Variants in CNTN6 observed in about 807,000 individuals in gnomAD.
CNTN6 encodes contactin 6.
A neutral mutation model predicts 122.8 loss-of-function variants in CNTN6; 137 were observed. That is an observed-to-expected ratio of 1.12 (90% CI 0.97 to 1.29). The LOEUF (loss-of-function observed/expected upper bound fraction) is 1.29. Ranked by LOEUF, CNTN6 falls within the 50% of genes most tolerant of loss-of-function variation. The pLI is 0.00. For synonymous variants in CNTN6, 570 were observed against 426.0 expected, an observed-to-expected ratio of 1.34 and a Z score of -4.16; for missense variants, 1,634 against 1,223.4, an observed-to-expected ratio of 1.34 and a Z score of -5.01.
intron 5 of CNTN6, among the ~76,000 whole-genome samples, chr3:1,280,459 ATTTTT>A (rs71619483): frequency 1.7e-4 from 11 of 66,652 alleles, no homozygotes; most frequent in African/African-American, 3.7e-4. Context: ...TGTAATACCA[ATTTTT>A]TTTTTTTTTT....
chr3:1,207,660 T>G (rs188106077), intron 2 of CNTN6, among the ~76,000 whole-genome samples: 1 of 152,210 alleles, frequency 6.6e-6, no homozygotes, highest in East Asian at 1.9e-4. Context: ...TTCATTTATC[T>G]TATGCCTCCC....
chr3:1,276,830 G>A (rs1479421699), intron 4 of CNTN6, among the ~76,000 whole-genome samples: 1 of 152,166 alleles, frequency 6.6e-6, no homozygotes, highest in Non-Finnish European at 1.5e-5. Context: ...ATGATCTAAA[G>A]TTGACGTTCC....
chr3:1,164,823 C>T (rs552886657), intron 2 of CNTN6, among the ~76,000 whole-genome samples: 3 of 152,234 alleles, frequency 2.0e-5, no homozygotes, highest in Non-Finnish European at 4.4e-5. Context: ...GCCTTAAGTC[C>T]CACAGTACTG....
At chr3:1,094,586 T>C (rs2090422136) in intron 1 of CNTN6, among the ~76,000 whole-genome samples, 1 of 152,132 alleles carries the variant, frequency 6.6e-6, no homozygotes, top group South Asian at 2.1e-4. Flanking sequence ...ATATTTGTAG[T>C]GAAGGACCAG....
chr3:1,396,278 CT>C (rs1477977216), intron 20 of CNTN6, among the ~76,000 whole-genome samples: 1 of 152,168 alleles, frequency 6.6e-6, no homozygotes, highest in African/African-American at 2.4e-5. Context: ...TGTAGTACCC[CT>C]GCCAGGCCTA....
At chr3:1,213,823 A>AC (rs1218385344) in intron 2 of CNTN6, among the ~76,000 whole-genome samples, 3 of 116,734 alleles carry the variant, frequency 2.6e-5, no homozygotes, top group Non-Finnish European at 3.6e-5. Flanking sequence ...ATTTGAGACA[A>AC]AAAAATTTTT....
intron 5 of CNTN6, among the ~76,000 whole-genome samples, chr3:1,291,720 T>G (rs1364500513): frequency 6.6e-6 from 1 of 152,116 alleles, no homozygotes; most frequent in African/African-American, 2.4e-5. Flanking sequence ...AACAAAAACC[T>G]TTGAGCATCT....
intron 2 of CNTN6, among the ~76,000 whole-genome samples, chr3:1,154,089 T>A (rs539980151): frequency 1.3e-5 from 2 of 152,340 alleles, no homozygotes; most frequent in East Asian, 3.9e-4. Context: ...TTTCATGCAA[T>A]GCTTACTGAT....
intron 5 of CNTN6, among the ~76,000 whole-genome samples, chr3:1,290,628 G>A (rs754983480): frequency 1.4e-4 from 21 of 152,204 alleles, no homozygotes; most frequent in Non-Finnish European, 2.4e-4. Flanking sequence ...TATTAGGAAA[G>A]TAAAGGAATA....
intron 3 of CNTN6, among the ~76,000 whole-genome samples, chr3:1,223,663 A>G (rs34329703): frequency 0.11 from 16,682 of 152,260 alleles, 986 homozygotes; most frequent in African/African-American, 0.13. Flanking sequence ...GAAATAACAT[A>G]CACATAAATT....
chr3:1,169,923 C>T (rs900362551), intron 2 of CNTN6, among the ~76,000 whole-genome samples: 1 of 152,024 alleles, frequency 6.6e-6, no homozygotes, highest in Admixed American at 6.6e-5. Context: ...ATTATATTCA[C>T]CTTAAATTTT....
chr3:1,241,406 G>A (rs1029275179), intron 4 of CNTN6, among the ~76,000 whole-genome samples: 1 of 152,020 alleles, frequency 6.6e-6, no homozygotes, highest in East Asian at 1.9e-4. Context: ...AGACTAAGCT[G>A]AAGGGAGGTC....
chr3:1,276,157 T>C (rs1692316637), intron 4 of CNTN6, among the ~76,000 whole-genome samples: 1 of 152,314 alleles, frequency 6.6e-6, no homozygotes, highest in South Asian at 2.1e-4. Flanking sequence ...TACTTTCACA[T>C]CTCCCATCCA....
intron 4 of CNTN6, among the ~76,000 whole-genome samples, chr3:1,265,213 A>G (rs1185243825): frequency 1.3e-5 from 2 of 152,102 alleles, no homozygotes; most frequent in Non-Finnish European, 2.9e-5. Context: ...TTCTTTGGAT[A>G]TATACAAGAA....
At chr3:1,188,462 T>C (rs1004191527) in intron 2 of CNTN6, among the ~76,000 whole-genome samples, 19 of 152,206 alleles carry the variant, frequency 1.2e-4, no homozygotes, top group African/African-American at 4.6e-4. Flanking sequence ...AAAGTTTACA[T>C]TGTAATTGCT....
chr3:1,374,035 CAAG>C lies in CNTN6; in HGVS notation c.2058_2060del (p.Ser687del). On this transcript the variant is annotated inframe_deletion, in exon 16 of 23. Transcript: ENST00000446702. ...GGCAACAGCATTGGGATTGGAGAACCAAGTGAACCATCAGAATTGTTAAGAACT... is the reference window on the plus strand; with the variant it reads ...GGCAACAGCATTGGGATTGGAGAACCTGAACCATCAGAATTGTTAAGAACT... The C allele has an allele frequency of 6.2e-7, 1 of 1,612,820 alleles. No homozygotes were observed. The highest frequency in any genetic ancestry group is 8.5e-7 in the Non-Finnish European group (1 of 1,179,156).
At chr3:1,115,330 G>T (rs2091671215) in intron 1 of CNTN6, among the ~76,000 whole-genome samples, 1 of 152,108 alleles carries the variant, frequency 6.6e-6, no homozygotes, top group Admixed American at 6.5e-5. Flanking sequence ...CTCAGTAAAA[G>T]AAGGTAAGAC....
chr3:1,256,263 C>G (rs538807220), intron 4 of CNTN6, among the ~76,000 whole-genome samples: 1 of 151,936 alleles, frequency 6.6e-6, no homozygotes, highest in African/African-American at 2.4e-5. Flanking sequence ...AATCTGGGAG[C>G]CTATTGAGTC....
At chr3:1,220,600 A>G in intron 2 of CNTN6, 87 bp from the exon 3 acceptor site, 2 of 1,045,304 alleles carry the variant, frequency 1.9e-6, no homozygotes, top group East Asian at 2.7e-5. Flanking sequence ...AATTTTAAAT[A>G]TGTATATTGA....
Sources: allele counts gnomAD v4.1 joint callset (sites outside exome capture counted in the v4.1 genomes callset), GRCh38; gene constraint gnomAD v4.1.1; transcripts MANE v1.5; gene names NCBI Gene and HGNC (gene_info 2026-07-23, HGNC 2026-07-21).